The following STIMATE variants were observed in gnomAD, a reference collection of about 807,000 sequenced individuals.
STIMATE encodes the protein store-operated calcium entry regulator STIMATE.
STIMATE carries 15 observed loss-of-function variants against 36.7 expected under a neutral mutation model. That is an observed-to-expected ratio of 0.41 (90% CI 0.27 to 0.63). The LOEUF (loss-of-function observed/expected upper bound fraction) is 0.63, where lower values mean the gene tolerates loss of function less well. STIMATE is among the 20% of genes least tolerant of loss of function. The pLI is 0.32. For missense variants in STIMATE, 305 were observed against 397.3 expected, an observed-to-expected ratio of 0.77 and a Z score of 1.98; for synonymous variants, 163 against 162.3, an observed-to-expected ratio of 1.00 and a Z score of -0.03.
At chr3:52,887,631 G>A (rs1701711199) in intron 1 of STIMATE, among the ~76,000 whole-genome samples, 1 of 152,178 alleles carries the variant, frequency 6.6e-6, no homozygotes, top group Non-Finnish European at 1.5e-5. Context: ...TTGAGACAGT[G>A]CCTCTCCTAC....
At chr3:52,879,235 GA>G (rs1701561879) in intron 1 of STIMATE, among the ~76,000 whole-genome samples, 1 of 152,180 alleles carries the variant, frequency 6.6e-6, no homozygotes, top group African/African-American at 2.4e-5. Flanking sequence ...AGAAACAACA[GA>G]GCTCATGTCC....
chr3:52,867,113 A>T (rs1199885202), intron 1 of STIMATE, among the ~76,000 whole-genome samples: 1 of 152,030 alleles, frequency 6.6e-6, no homozygotes, highest in Admixed American at 6.5e-5. Context: ...GTGGAAAATC[A>T]CCCCCTGCTG....
At chr3:52,859,415 C>T (rs1167853273) in intron 1 of STIMATE, among the ~76,000 whole-genome samples, 2 of 137,182 alleles carry the variant, frequency 1.5e-5, no homozygotes, top group African/African-American at 5.4e-5. Context: ...ACCTGTAATC[C>T]CAGCACTTTG....
At chr3:52,862,173 T>C (rs892563713) in intron 1 of STIMATE, among the ~76,000 whole-genome samples, 12 of 152,118 alleles carry the variant, frequency 7.9e-5, no homozygotes, top group African/African-American at 2.9e-4. Flanking sequence ...GGCTCCTTAC[T>C]CTCCTCCTTC....
chr3:52,850,349 T>C (rs1700975866), intron 3 of STIMATE, among the ~76,000 whole-genome samples: 1 of 152,090 alleles, frequency 6.6e-6, no homozygotes, highest in African/African-American at 2.4e-5. Context: ...GGGGAATCAC[T>C]TGAACCCGGG....
chr3:52,895,010 C>T (rs1247948196), intron 1 of STIMATE, among the ~76,000 whole-genome samples: 5 of 152,248 alleles, frequency 3.3e-5, no homozygotes, highest in African/African-American at 9.6e-5. Flanking sequence ...GGGGGACCCT[C>T]GTCAGGGGAG....
chr3:52,857,767 T>G (rs142910943), intron 1 of STIMATE, among the ~76,000 whole-genome samples: 2,221 of 150,186 alleles, frequency 0.015, 33 homozygotes, highest in African/African-American at 0.04. Context: ...TTATTATATA[T>G]AGAGAGAGAG....
intron 5 of STIMATE, 141 bp downstream of exon 5, chr3:52,844,688 G>T: frequency 3.5e-6 from 3 of 846,634 alleles, no homozygotes; most frequent in Non-Finnish European, 5.4e-6. Context: ...TGGAGTAGTT[G>T]CCACATCAGA....
chr3:52,843,794 G>T lies in STIMATE; in HGVS notation c.545C>A (p.Ala182Asp). ...VLLILQWKKV[A>D]LLNPIENPDL... ...TGGGTTTTCAATGGGATTCAACAGG[G>T]CCACCTGTAAAGAGAAGCAGACTCA... Residue 182 changes from alanine (A) to aspartate (D), a missense_variant, in exon 6 of 8, where the codon GCC (alanine) becomes GAC (aspartate). Around this residue, in one of 3 missense-constraint regions of STIMATE, gnomAD observed 164 missense variants for 257.9 expected, o/e 0.64. Transcript: ENST00000355083. 1 of 1,545,536 alleles carries T rather than the reference G, an allele frequency of 6.5e-7. No individual in the cohort carries two copies. Among genetic ancestry groups the T allele is most frequent in the African/African-American group, 1.4e-5 (1 of 72,958 alleles).
intron 1 of STIMATE, among the ~76,000 whole-genome samples, chr3:52,883,782 C>G (rs893302036): frequency 3.3e-5 from 5 of 151,996 alleles, no homozygotes; most frequent in African/African-American, 1.2e-4. Flanking sequence ...ATTTGCTTTG[C>G]TTTTCTATTT....
At chr3:52,841,660 C>G (rs1201878563) in intron 7 of STIMATE, 1 of 152,656 alleles carries the variant, frequency 6.6e-6, no homozygotes, top group African/African-American at 2.4e-5. Context: ...TAGTCTCGGT[C>G]CCGACCACCA....
intron 3 of STIMATE, among the ~76,000 whole-genome samples, chr3:52,850,879 C>T (rs1363099114): frequency 6.6e-6 from 1 of 152,172 alleles, no homozygotes; most frequent in Non-Finnish European, 1.5e-5. Context: ...CAGGCACCCA[C>T]CACCACACAC....
At chr3:52,897,155 T>C (rs1246113220) in intron 1 of STIMATE, 136 bp downstream of exon 1, 6 of 1,195,868 alleles carry the variant, frequency 5.0e-6, no homozygotes, top group Non-Finnish European at 6.8e-6. Flanking sequence ...AGTGCAGGAA[T>C]ACCCAGCCTG....
In STIMATE at chr3:52,897,379, C is replaced by G; in HGVS notation, c.72G>C (p.Ala24=). 6.6e-7 allele frequency: 1 copy of G among 1,516,090 alleles called. No homozygotes were observed. The highest frequency in any genetic ancestry group is 1.2e-5 in the South Asian group (1 of 83,110). 93.9% of individuals were successfully genotyped at this position (1,516,090 alleles called of 1,614,324 possible). Residue 24 remains alanine (A), a synonymous_variant, in exon 1 of 8, where the codon GCG becomes GCC. Coordinates refer to ENST00000355083, the MANE Select transcript of STIMATE (RefSeq NM_198563.5). ...TGAGCGCGCCGCTCTCGCAGCGGCCCGCCCCGGACGCGACTGTGGAGGGCG... is the reference window on the plus strand; with the variant it reads ...TGAGCGCGCCGCTCTCGCAGCGGCCGGCCCCGGACGCGACTGTGGAGGGCG... ...GGPPSTVASG[A]GRCESGALMH... is the part of the protein sequence containing the mutation.
intron 1 of STIMATE, among the ~76,000 whole-genome samples, chr3:52,894,733 T>C (rs1701835499): frequency 6.6e-6 from 1 of 152,210 alleles, no homozygotes; most frequent in African/African-American, 2.4e-5. Flanking sequence ...CAGTCAGAGC[T>C]GGTCCAACAG....
At chr3:52,890,358 A>G (rs1228283938) in intron 1 of STIMATE, among the ~76,000 whole-genome samples, 2 of 152,248 alleles carry the variant, frequency 1.3e-5, no homozygotes, top group African/African-American at 4.8e-5. Context: ...GTTCTTCTAG[A>G]GCAAATATGA....
At chr3:52,879,010 G>A (rs1291984839) in intron 1 of STIMATE, among the ~76,000 whole-genome samples, 1 of 152,190 alleles carries the variant, frequency 6.6e-6, no homozygotes, top group Non-Finnish European at 1.5e-5. Context: ...CTTCTTCTGG[G>A]AACACTGGGC....
chr3:52,890,351 C>A (rs1701763058), intron 1 of STIMATE, among the ~76,000 whole-genome samples: 1 of 152,260 alleles, frequency 6.6e-6, no homozygotes, highest in South Asian at 2.1e-4. Context: ...CTAATCTGTT[C>A]TTCTAGAGCA....
At chr3:52,852,004 A>G (rs1487592291) in intron 3 of STIMATE, among the ~76,000 whole-genome samples, 1 of 152,206 alleles carries the variant, frequency 6.6e-6, no homozygotes, top group Non-Finnish European at 1.5e-5. Flanking sequence ...GGACAAAGGG[A>G]GGCAGAAGAT....
Sources: gnomAD v4.1 joint callset for allele counts (sites outside exome capture counted in the v4.1 genomes callset) on GRCh38, gnomAD v4.1.1 for gene constraint, gnomAD v4.1.1 regional missense constraint, MANE v1.5 for transcripts, NCBI Gene and HGNC (gene_info 2026-07-23, HGNC 2026-07-21) for gene names.